Variants in HECW2 observed in about 807,000 individuals in gnomAD.
HECW2 encodes E3 ubiquitin-protein ligase HECW2.
HECW2 carries 61 observed loss-of-function variants against 175.2 expected under a neutral mutation model. The ratio of observed to expected loss-of-function variants is 0.35; its 90% CI spans 0.28 to 0.43. The LOEUF (loss-of-function observed/expected upper bound fraction) is 0.43, where lower values mean the gene tolerates loss of function less well. Among genes scored for constraint, HECW2 ranks in the 20% least tolerant of loss-of-function variants. The pLI, the probability that HECW2 is intolerant of heterozygous loss-of-function variation, is 1.00. For missense variants in HECW2, 1,524 were observed against 2,000.5 expected (o/e 0.76, Z 4.54); for synonymous variants, 671 against 731.0 (o/e 0.92, Z 1.32).
chr2:196,587,722 C>T (rs921931240), intron 1 of HECW2, among the ~76,000 whole-genome samples: 10 of 152,126 alleles, frequency 6.6e-5, no homozygotes, highest in African/African-American at 1.7e-4. Context: ...GTAAGCTATA[C>T]GCACTCACCA....
chr2:196,414,138 G>C (rs1010227033), intron 2 of HECW2, among the ~76,000 whole-genome samples: 2 of 152,142 alleles, frequency 1.3e-5, no homozygotes, highest in African/African-American at 4.8e-5. Context: ...AAATAGTTCA[G>C]AGCCTCACGC....
At chr2:196,278,082 C>A in intron 15 of HECW2, among the ~76,000 whole-genome samples, 1 of 129,376 alleles carries the variant, frequency 7.7e-6, no homozygotes, top group African/African-American at 2.7e-5. Context: ...ACAAATGTAA[C>A]AAACCTGCAC....
At chr2:196,218,568 C>G (rs1397344880) in intron 26 of HECW2, among the ~76,000 whole-genome samples, 14 of 149,680 alleles carry the variant, frequency 9.4e-5, no homozygotes, top group Non-Finnish European at 1.5e-5. Flanking sequence ...AATCCCAGCA[C>G]TTTGGGAGGC....
At chr2:196,383,587 GA>G (rs1241087432) in intron 2 of HECW2, among the ~76,000 whole-genome samples, 1 of 152,142 alleles carries the variant, frequency 6.6e-6, no homozygotes, top group Non-Finnish European at 1.5e-5. Flanking sequence ...TTCAAGAAGG[GA>G]ACAGTGACAT....
rs150328733 is a variant in HECW2 at position 196,287,965 on chromosome 2, T to C, written c.3000+4600A>G. ...CTACAGTGGACCCTTGCATAGCACATACCAGTGCTAAGGCACACATCCTTT... is the reference window on the plus strand; with the variant it reads ...CTACAGTGGACCCTTGCATAGCACACACCAGTGCTAAGGCACACATCCTTT... On this transcript the variant is annotated intron_variant, in intron 14 of 28. Coordinates refer to ENST00000644978, the MANE Select transcript of HECW2 (RefSeq NM_001348768.2). The C allele has an allele frequency of 1.2e-3, 190 of 152,274 alleles. 1 individual carries two copies. Among genetic ancestry groups the C allele is most frequent in the African/African-American group, 4.4e-3 (182 of 41,546 alleles). 9.4% of individuals were successfully genotyped at this position (152,274 alleles called of 1,614,324 possible).
intron 1 of HECW2, among the ~76,000 whole-genome samples, chr2:196,571,973 ATAC>A (rs1193607612): frequency 1.3e-5 from 2 of 152,236 alleles, no homozygotes; most frequent in African/African-American, 4.8e-5. Context: ...ATTCTGACAC[ATAC>A]TACAACATGG....
At chr2:196,216,207 T>C (rs533047408) in intron 27 of HECW2, among the ~76,000 whole-genome samples, 1 of 152,268 alleles carries the variant, frequency 6.6e-6, no homozygotes, top group African/African-American at 2.4e-5. Flanking sequence ...GTGGAGGGTT[T>C]GTAGAAAATA....
intron 28 of HECW2, among the ~76,000 whole-genome samples, chr2:196,213,756 T>C (rs1265985010): frequency 6.6e-6 from 1 of 152,204 alleles, no homozygotes; most frequent in East Asian, 1.9e-4. Context: ...AGTTAGCACA[T>C]GAACTTCCTG....
chr2:196,198,543 A>T lies in HECW2; in HGVS notation c.*2734T>A, dbSNP rs1455373941. 1.3e-5 allele frequency: 2 copies of T among 152,330 alleles called. No individual in the cohort carries two copies. The highest frequency in any genetic ancestry group is 3.9e-4 in the East Asian group (2 of 5,188). The allele number at this position is 152,330 out of a possible 1,614,324, so 9.4% of individuals were successfully genotyped here. On this transcript the variant is annotated 3_prime_UTR_variant, in exon 29 of 29. Transcript: ENST00000644978. ...GACTCTTGTAGCTCCATCGTCAAAC[A>T]AACATCAAACTGGCACAGAGGGAAT...
intron 1 of HECW2, among the ~76,000 whole-genome samples, chr2:196,548,115 A>T (rs1486013665): frequency 1.3e-5 from 2 of 152,238 alleles, no homozygotes; most frequent in South Asian, 4.1e-4. Context: ...GGATCACTTG[A>T]GGTCAGGAGT....
At chr2:196,456,649 G>A (rs866494055) in intron 1 of HECW2, among the ~76,000 whole-genome samples, 5 of 152,290 alleles carry the variant, frequency 3.3e-5, no homozygotes, top group African/African-American at 4.8e-5. Context: ...AGGGGACAAG[G>A]TACAATGACA....
Position 196,228,253 on chromosome 2 carries a change from G to A in HECW2, c.3766C>T (p.Leu1256=). 6.3e-7 allele frequency: 1 copy of A among 1,585,424 alleles called. No individual in the cohort carries two copies. The highest frequency in any genetic ancestry group is 8.5e-7 in the Non-Finnish European group (1 of 1,172,140). Residue 1256 remains leucine, a splice_region_variant and synonymous_variant, in exon 22 of 29, where the codon CTG becomes TTG. Transcript: ENST00000644978. ...LYVTFVGEEG[L]DYSGPSREFF... ...TCTCTAGAAGGCCCACTGTAATCCA[G>A]CCTGTAACAAAAATCCACAAAAAGA...
intron 2 of HECW2, among the ~76,000 whole-genome samples, chr2:196,403,811 A>G (rs1029834263): frequency 1.3e-5 from 2 of 152,198 alleles, no homozygotes; most frequent in Admixed American, 6.5e-5. Context: ...AATAATAACA[A>G]AAAAGAACAT....
At chr2:196,379,201 C>T (rs759354345) in intron 2 of HECW2, among the ~76,000 whole-genome samples, 13 of 152,098 alleles carry the variant, frequency 8.5e-5, no homozygotes, top group Non-Finnish European at 1.6e-4. Context: ...AACTAATGCA[C>T]TCTAAATAAG....
chr2:196,322,392 A>C (rs978269218), intron 7 of HECW2, 86 bp downstream of exon 7: 50 of 1,091,214 alleles, frequency 4.6e-5, no homozygotes, highest in Non-Finnish European at 6.0e-5. Flanking sequence ...TATCAGTATG[A>C]AAAGTCCTAG....
chr2:196,584,307 T>G (rs1690899054), intron 1 of HECW2, among the ~76,000 whole-genome samples: 1 of 152,090 alleles, frequency 6.6e-6, no homozygotes, highest in African/African-American at 2.4e-5. Flanking sequence ...TAAAGTAAAC[T>G]AGAGTGTCCC....
intron 1 of HECW2, among the ~76,000 whole-genome samples, chr2:196,572,178 G>A (rs1051829601): frequency 6.6e-6 from 1 of 151,988 alleles, no homozygotes; most frequent in African/African-American, 2.4e-5. Context: ...CAGGGTTTCA[G>A]AAGTTTTTGT....
chr2:196,404,583 C>A (rs570814813), intron 2 of HECW2, among the ~76,000 whole-genome samples: 4 of 152,236 alleles, frequency 2.6e-5, no homozygotes, highest in African/African-American at 9.6e-5. Context: ...TTTTTATCAT[C>A]TTGGAAAATG....
At chr2:196,257,172 A>T (rs1049039733) in intron 18 of HECW2, among the ~76,000 whole-genome samples, 1 of 152,112 alleles carries the variant, frequency 6.6e-6, no homozygotes, top group African/African-American at 2.4e-5. Flanking sequence ...GCTTGCCTAC[A>T]TTTGAGGGAT....
Sources: gnomAD v4.1 joint callset for allele counts (sites outside exome capture counted in the v4.1 genomes callset) on GRCh38, gnomAD v4.1.1 for gene constraint, MANE v1.5 for transcripts, NCBI Gene and HGNC (gene_info 2026-07-23, HGNC 2026-07-21) for gene names.